Variants in C8orf34 observed in about 807,000 individuals in gnomAD.
C8orf34 encodes uncharacterized protein C8orf34.
Under a neutral mutation model 68.3 loss-of-function variants are expected in C8orf34, and 65 were observed. The observed-to-expected ratio is 0.95, with a 90% CI of 0.78 to 1.17. C8orf34 has a LOEUF of 1.17. C8orf34 is among the 50% of genes most tolerant of loss of function. The pLI, the probability that C8orf34 is intolerant of heterozygous loss-of-function variation, is 0.00. For synonymous variants in C8orf34, 244 were observed against 241.2 expected (o/e 1.01, Z -0.11); for missense variants, 664 against 655.4 (o/e 1.01, Z -0.14).
intron 11 of C8orf34, among the ~76,000 whole-genome samples, chr8:68,779,053 T>G (rs963709139): frequency 6.6e-6 from 1 of 151,988 alleles, no homozygotes; most frequent in Non-Finnish European, 1.5e-5. Flanking sequence ...GGCACACACC[T>G]ATAGTCTCAG....
intron 1 of C8orf34, among the ~76,000 whole-genome samples, chr8:68,426,035 ACTTTAAAG>A (rs1563428600): frequency 6.6e-6 from 1 of 152,194 alleles, no homozygotes; most frequent in Non-Finnish European, 1.5e-5. Flanking sequence ...TGGGTCATTG[ACTTTAAAG>A]TATAAAATTA....
chr8:68,441,045 C>A (rs1810886343), intron 2 of C8orf34, among the ~76,000 whole-genome samples: 1 of 152,138 alleles, frequency 6.6e-6, no homozygotes. Flanking sequence ...ACCTCGTGAT[C>A]CGCCCTCCTT....
chr8:68,725,213 A>G (rs1375611877), intron 10 of C8orf34, among the ~76,000 whole-genome samples: 1 of 152,194 alleles, frequency 6.6e-6, no homozygotes, highest in Admixed American at 6.5e-5. Context: ...TATGGGTGTT[A>G]AGGGAAGATG....
At chr8:68,567,531 G>T (rs1439062906) in intron 7 of C8orf34, among the ~76,000 whole-genome samples, 2 of 126,224 alleles carry the variant, frequency 1.6e-5, no homozygotes, top group African/African-American at 3.0e-5. Context: ...GGTTAATCTT[G>T]CTAATGATGT....
chr8:68,342,385 A>C (rs1806107680), intron 1 of C8orf34, among the ~76,000 whole-genome samples: 1 of 152,186 alleles, frequency 6.6e-6, no homozygotes, highest in South Asian at 2.1e-4. Flanking sequence ...GACTGTATTA[A>C]AAAGATTAGA....
chr8:68,536,290 T>C (rs1365394222), intron 7 of C8orf34, among the ~76,000 whole-genome samples: 1 of 136,926 alleles, frequency 7.3e-6, no homozygotes, highest in East Asian at 2.1e-4. Flanking sequence ...GTCTGGAAGG[T>C]CGAGTCTGCA....
chr8:68,616,849 A>T (rs981770651), intron 7 of C8orf34, among the ~76,000 whole-genome samples: 4 of 151,830 alleles, frequency 2.6e-5, no homozygotes, highest in African/African-American at 4.8e-5. Flanking sequence ...TATCCTTGTT[A>T]ACTTTGTCTC....
At chr8:68,344,544 G>T (rs904151779) in intron 1 of C8orf34, among the ~76,000 whole-genome samples, 18 of 151,988 alleles carry the variant, frequency 1.2e-4, no homozygotes, top group Non-Finnish European at 2.2e-4. Context: ...ACCAATGGAG[G>T]AACATGAATA....
intron 1 of C8orf34, among the ~76,000 whole-genome samples, chr8:68,401,861 T>TG (rs1808971221): frequency 1.3e-5 from 2 of 148,954 alleles, no homozygotes; most frequent in Non-Finnish European, 3.0e-5. Context: ...CAGTTCTCTT[T>TG]TGTGTGTGTG....
chr8:68,680,312 G>C (rs1256816431), intron 8 of C8orf34, among the ~76,000 whole-genome samples: 1 of 152,104 alleles, frequency 6.6e-6, no homozygotes, highest in African/African-American at 2.4e-5. Context: ...ATATGAAAAA[G>C]TGCTTAACAA....
intron 12 of C8orf34, among the ~76,000 whole-genome samples, chr8:68,804,319 G>T (rs1013637874): frequency 6.6e-6 from 1 of 152,070 alleles, no homozygotes; most frequent in Non-Finnish European, 1.5e-5. Context: ...GTACTTTTCG[G>T]AGCATCTTGG....
At chr8:68,527,445 G>A (rs575682305) in intron 6 of C8orf34, among the ~76,000 whole-genome samples, 7 of 152,202 alleles carry the variant, frequency 4.6e-5, no homozygotes, top group East Asian at 3.9e-4. Flanking sequence ...GGTGGTGGGC[G>A]CCTGTAGTCC....
intron 7 of C8orf34, among the ~76,000 whole-genome samples, chr8:68,632,661 T>A (rs1208654858): frequency 6.6e-6 from 1 of 152,146 alleles, no homozygotes; most frequent in Non-Finnish European, 1.5e-5. Context: ...AATGGTTTTA[T>A]GGGTCAGGCC....
chr8:68,749,901 T>A (rs2129527583), intron 10 of C8orf34, among the ~76,000 whole-genome samples: 1 of 152,320 alleles, frequency 6.6e-6, no homozygotes, highest in East Asian at 1.9e-4. Context: ...TTGTTTTTAA[T>A]ACTGGGCTAG....
intron 3 of C8orf34, among the ~76,000 whole-genome samples, chr8:68,467,082 C>T (rs897289595): frequency 1.3e-5 from 2 of 151,930 alleles, no homozygotes; most frequent in Admixed American, 6.6e-5. Context: ...CCTAAATCTA[C>T]ACAATCAAAC....
intron 12 of C8orf34, among the ~76,000 whole-genome samples, chr8:68,811,092 T>C (rs1363556154): frequency 6.6e-6 from 1 of 152,182 alleles, no homozygotes; most frequent in African/African-American, 2.4e-5. Context: ...GTTTGTGCCA[T>C]AGGGCGCCTG....
At chr8:68,613,729 G>C (rs1818100828) in intron 7 of C8orf34, among the ~76,000 whole-genome samples, 1 of 151,724 alleles carries the variant, frequency 6.6e-6, no homozygotes, top group African/African-American at 2.4e-5. Flanking sequence ...TTGCTATTGT[G>C]AATAGTGCTG....
chr8:68,605,767 A>G (rs942483211), intron 7 of C8orf34, among the ~76,000 whole-genome samples: 5 of 152,128 alleles, frequency 3.3e-5, no homozygotes, highest in African/African-American at 4.8e-5. Flanking sequence ...GGACAGTGAA[A>G]CAATTCTGTT....
At chr8:68,390,953 A>G (rs993941299) in intron 1 of C8orf34, among the ~76,000 whole-genome samples, 3 of 152,140 alleles carry the variant, frequency 2.0e-5, no homozygotes, top group Admixed American at 2.0e-4. Flanking sequence ...GCCTTCAACT[A>G]GTAGGATGAT....
Sources: allele counts gnomAD v4.1 joint callset (sites outside exome capture counted in the v4.1 genomes callset), GRCh38; gene constraint gnomAD v4.1.1; transcripts MANE v1.5; gene names NCBI Gene and HGNC (gene_info 2026-07-23, HGNC 2026-07-21).